Variants in ABCC1 observed in about 807,000 individuals in gnomAD.
ABCC1 encodes ATP binding cassette subfamily C member 1 (ABCC1 blood group), also known as multidrug resistance-associated protein 1.
In ABCC1, 83 loss-of-function variants were observed where a neutral mutation model predicts 172.9. The observed-to-expected ratio is 0.48, with a 90% CI of 0.40 to 0.58. ABCC1 has a LOEUF of 0.58. Ranked by LOEUF, ABCC1 falls within the 20% of genes least tolerant of loss-of-function variation. The probability of loss-of-function intolerance (pLI) is 0.00; values close to 1 mark genes in which losing one functional copy is unlikely to be tolerated. For missense variants in ABCC1, 1,817 were observed against 2,002.7 expected (o/e 0.91, Z 1.77); for synonymous variants, 937 against 825.2 (o/e 1.14, Z -2.32).
At chr16:16,011,729 G>C (rs2047792153) in intron 3 of ABCC1, among the ~76,000 whole-genome samples, 1 of 151,600 alleles carries the variant, frequency 6.6e-6, no homozygotes, top group Non-Finnish European at 1.5e-5. Context: ...AAATGTAATG[G>C]TGTGATCTTG....
intron 1 of ABCC1, among the ~76,000 whole-genome samples, chr16:16,004,438 C>G (rs1354242865): frequency 6.6e-6 from 1 of 151,996 alleles, no homozygotes; most frequent in African/African-American, 2.4e-5. Flanking sequence ...CAGTTTAATC[C>G]TTTTTTCAGC....
chr16:16,102,563 T>C, intron 19 of ABCC1, 64 bp from the exon 20 acceptor site: 2 of 1,491,170 alleles, frequency 1.3e-6, no homozygotes, highest in Middle Eastern at 3.4e-4. Flanking sequence ...CGGTTTTTGT[T>C]GCCCTTGGTT....
chr16:15,987,642 C>G (rs1270122955), intron 1 of ABCC1, among the ~76,000 whole-genome samples: 1 of 152,224 alleles, frequency 6.6e-6, no homozygotes, highest in Non-Finnish European at 1.5e-5. Context: ...AAACTTGCCC[C>G]CACTTGAGAA....
chr16:16,128,316 G>A (rs1311534061), intron 26 of ABCC1, among the ~76,000 whole-genome samples: 1 of 151,786 alleles, frequency 6.6e-6, no homozygotes, highest in African/African-American at 2.4e-5. Context: ...GATTACAGGC[G>A]ATTTTTGTAT....
chr16:15,995,475 C>T (rs2047024787), intron 1 of ABCC1, among the ~76,000 whole-genome samples: 1 of 151,866 alleles, frequency 6.6e-6, no homozygotes, highest in South Asian at 2.1e-4. Flanking sequence ...CCACTTTCTT[C>T]TTCTTCAAGC....
intron 1 of ABCC1, among the ~76,000 whole-genome samples, chr16:16,000,308 GC>G (rs536389550): frequency 2.8e-4 from 43 of 152,004 alleles, no homozygotes; most frequent in African/African-American, 9.4e-4. Flanking sequence ...ACCATGCCTG[GC>G]TAATTTTTGT....
intron 19 of ABCC1, among the ~76,000 whole-genome samples, chr16:16,091,111 T>C (rs2051237103): frequency 6.6e-6 from 1 of 152,040 alleles, no homozygotes. Flanking sequence ...CCATCTGAGC[T>C]TCACTTTCCT....
At position 16,125,921 on chromosome 16, in the gene ABCC1, G is replaced by T. The variant is rs1315868059; in HGVS notation, c.3819+10G>T. ...AGAGACTGAGAAGGAGGTAGGCAAGGGCCCCTGGCTGGACCTCTTGGTCTT... is the reference window on the plus strand; with the variant it reads ...AGAGACTGAGAAGGAGGTAGGCAAGTGCCCCTGGCTGGACCTCTTGGTCTT... On this transcript the variant is annotated intron_variant, in intron 26 of 30. Transcript: ENST00000399410. The T allele has an allele frequency of 6.2e-7, 1 of 1,609,514 alleles. No individual in the cohort carries two copies. Among genetic ancestry groups the T allele is most frequent in the Non-Finnish European group, 8.5e-7 (1 of 1,176,232 alleles).
chr16:15,998,550 T>C (rs215067), intron 1 of ABCC1, among the ~76,000 whole-genome samples: 7,093 of 152,290 alleles, frequency 0.047, 235 homozygotes, highest in Middle Eastern at 0.095. Flanking sequence ...TCATAGTTCA[T>C]GGTCAGAGTC....
intron 18 of ABCC1, among the ~76,000 whole-genome samples, chr16:16,088,956 G>A (rs1018111288): frequency 1.3e-5 from 2 of 152,010 alleles, no homozygotes; most frequent in African/African-American, 2.4e-5. Flanking sequence ...GAATCCTCCC[G>A]TTTTGGCCTC....
chr16:16,074,457 G>A (rs1039691097), intron 14 of ABCC1, among the ~76,000 whole-genome samples: 1 of 152,170 alleles, frequency 6.6e-6, no homozygotes, highest in Non-Finnish European at 1.5e-5. Flanking sequence ...TGAGGTGGCC[G>A]GCGGTGGGTG....
At chr16:16,119,559 T>C (rs192381176) in intron 23 of ABCC1, among the ~76,000 whole-genome samples, 20 of 152,104 alleles carry the variant, frequency 1.3e-4, no homozygotes, top group African/African-American at 4.8e-4. Flanking sequence ...GGCACGGTGG[T>C]GGGCGCCTGC....
chr16:15,997,112 G>T (rs2047083904), intron 1 of ABCC1, among the ~76,000 whole-genome samples: 1 of 132,678 alleles, frequency 7.5e-6, no homozygotes, highest in African/African-American at 2.8e-5. Flanking sequence ...TTTTTTTTGA[G>T]ACGGAGTCTC....
chr16:15,955,734 C>G (rs2045982747), intron 1 of ABCC1, among the ~76,000 whole-genome samples: 1 of 152,176 alleles, frequency 6.6e-6, no homozygotes, highest in East Asian at 1.9e-4. Context: ...ATCTACACCC[C>G]CAGTAGCACT....
chr16:16,053,855 C>T (rs2049535667), intron 11 of ABCC1, among the ~76,000 whole-genome samples: 1 of 148,458 alleles, frequency 6.7e-6, no homozygotes, highest in African/African-American at 2.5e-5. Context: ...AAGGGGATAC[C>T]CCCTTCCCTA....
chr16:15,971,346 A>G (rs974400683), intron 1 of ABCC1, among the ~76,000 whole-genome samples: 1 of 152,174 alleles, frequency 6.6e-6, no homozygotes, highest in African/African-American at 2.4e-5. Context: ...ATGTGGGGAA[A>G]GGGCAAGAAG....
In ABCC1 at chr16:16,122,167, G is replaced by C; in HGVS notation, c.3583G>C (p.Ala1195Pro). The change falls in exon 24 of 31, where the codon GCC (alanine) becomes CCC (proline). Residue 1195 changes from alanine (A) to proline (P), a missense_variant. Transcript: ENST00000399410. ...NQKAYYPSIVANRWLAVRLEC... is the reference protein window; with the variant it reads ...NQKAYYPSIVPNRWLAVRLEC... ...GAAGGCCTATTACCCCAGCATCGTG[G>C]CCAACAGGTGGGCATGGTGGGCCTG... 1 of 1,614,142 alleles carries C rather than the reference G, an allele frequency of 6.2e-7. No individual in the cohort carries two copies. The highest frequency in any genetic ancestry group is 8.5e-7 in the Non-Finnish European group (1 of 1,180,002).
intron 21 of ABCC1, among the ~76,000 whole-genome samples, chr16:16,110,249 A>C (rs2152082601): frequency 6.6e-6 from 1 of 151,672 alleles, no homozygotes; most frequent in African/African-American, 2.4e-5. Flanking sequence ...ACGCCTGACT[A>C]ATTTTTGTAT....
chr16:16,094,670 T>G (rs1042526461), intron 19 of ABCC1, among the ~76,000 whole-genome samples: 7 of 150,042 alleles, frequency 4.7e-5, no homozygotes, highest in Middle Eastern at 7.1e-3. Context: ...CCCGCCACCA[T>G]GCCCAGCTAA....
Sources: allele counts gnomAD v4.1 joint callset (sites outside exome capture counted in the v4.1 genomes callset), GRCh38; gene constraint gnomAD v4.1.1; transcripts MANE v1.5; gene names NCBI Gene and HGNC (gene_info 2026-07-23, HGNC 2026-07-21).